Variants in XKR6 observed in about 807,000 individuals in gnomAD.
XKR6 encodes the protein XK-related protein 6.
A neutral mutation model predicts 56.7 loss-of-function variants in XKR6; 22 were observed. That is an observed-to-expected ratio of 0.39 (90% confidence interval 0.28 to 0.55). The LOEUF is 0.55. XKR6 is among the 20% of genes least tolerant of loss of function. XKR6 has a pLI of 0.66. For synonymous variants in XKR6, 524 were observed against 387.8 expected (o/e 1.35, Z -4.13); for missense variants, 852 against 889.0 (o/e 0.96, Z 0.53).
intron 2 of XKR6, among the ~76,000 whole-genome samples, chr8:10,921,301 G>A (rs752570946): frequency 2.4e-4 from 37 of 152,250 alleles, no homozygotes; most frequent in Non-Finnish European, 4.6e-4. Flanking sequence ...CAGAAAGGGA[G>A]AGAAATCTCC....
intron 1 of XKR6, among the ~76,000 whole-genome samples, chr8:11,163,091 T>C (rs1486099048): frequency 1.3e-5 from 2 of 152,172 alleles, no homozygotes; most frequent in East Asian, 1.9e-4. Context: ...AATAAAATAA[T>C]ACCACAGTAA....
At chr8:11,067,280 A>G (rs1003246843) in intron 1 of XKR6, among the ~76,000 whole-genome samples, 1 of 152,128 alleles carries the variant, frequency 6.6e-6, no homozygotes, top group East Asian at 1.9e-4. Flanking sequence ...AAACCTGCAC[A>G]TTTGGCTTGA....
chr8:11,077,858 A>C (rs2898257), intron 1 of XKR6, among the ~76,000 whole-genome samples: 85,127 of 151,590 alleles, frequency 0.56, 26,597 homozygotes, highest in African/African-American at 0.82. Context: ...CCCTGGCATG[A>C]TCATCAGACC....
At chr8:11,043,704 C>T (rs544858298) in intron 1 of XKR6, among the ~76,000 whole-genome samples, 1 of 152,216 alleles carries the variant, frequency 6.6e-6, no homozygotes, top group Non-Finnish European at 1.5e-5. Context: ...GCCAAGGGAA[C>T]CCCAGAGAAA....
At chr8:10,923,866 G>A (rs570371172) in intron 2 of XKR6, among the ~76,000 whole-genome samples, 45 of 152,324 alleles carry the variant, frequency 3.0e-4, no homozygotes, top group African/African-American at 8.7e-4. Context: ...CTCACTGAGC[G>A]CTCTGCAGTC....
At chr8:11,088,577 C>T (rs1335367046) in intron 1 of XKR6, among the ~76,000 whole-genome samples, 1 of 152,190 alleles carries the variant, frequency 6.6e-6, no homozygotes, top group African/African-American at 2.4e-5. Context: ...ACCTTTCCTT[C>T]CTTCCTTAGG....
chr8:10,999,662 G>A (rs1490244088), intron 1 of XKR6, among the ~76,000 whole-genome samples: 1 of 152,218 alleles, frequency 6.6e-6, no homozygotes, highest in Non-Finnish European at 1.5e-5. Context: ...ATGTTCTGCA[G>A]ATGTGACCAA....
At chr8:11,071,738 T>C (rs553828239) in intron 1 of XKR6, among the ~76,000 whole-genome samples, 16 of 152,292 alleles carry the variant, frequency 1.1e-4, no homozygotes, top group Non-Finnish European at 2.4e-4. Flanking sequence ...TTTGTTATGA[T>C]GGTCTTAGCA....
At chr8:10,947,307 G>T (rs1413722699) in intron 1 of XKR6, among the ~76,000 whole-genome samples, 2 of 152,192 alleles carry the variant, frequency 1.3e-5, no homozygotes, top group Non-Finnish European at 1.5e-5. Context: ...GAGAGCAAAG[G>T]TTTGGGAGTG....
chr8:10,932,515 G>A (rs1276711061), intron 1 of XKR6, among the ~76,000 whole-genome samples: 5 of 142,018 alleles, frequency 3.5e-5, no homozygotes, highest in East Asian at 2.0e-4. Flanking sequence ...ATGCCGGTGC[G>A]CTGCACCCAC....
At chr8:10,972,147 A>G (rs902165645) in intron 1 of XKR6, among the ~76,000 whole-genome samples, 1 of 152,118 alleles carries the variant, frequency 6.6e-6, no homozygotes, top group Non-Finnish European at 1.5e-5. Context: ...TTGGGGGTTC[A>G]TCCGGGCCCA....
At chr8:10,948,774 C>T (rs183265901) in intron 1 of XKR6, among the ~76,000 whole-genome samples, 143 of 152,310 alleles carry the variant, frequency 9.4e-4, no homozygotes, top group East Asian at 5.0e-3. Flanking sequence ...TCCTTGTATC[C>T]GTGTCCACCA....
chr8:10,911,253 G>A (rs955099722), intron 2 of XKR6, among the ~76,000 whole-genome samples: 20 of 149,424 alleles, frequency 1.3e-4, no homozygotes, highest in Admixed American at 1.2e-3. Flanking sequence ...GAGAGAGAGA[G>A]AGACAGAATA....
intron 1 of XKR6, chr8:11,104,895 A>G (rs1324294565): frequency 6.6e-6 from 1 of 152,210 alleles, no homozygotes; most frequent in Non-Finnish European, 1.5e-5. Flanking sequence ...GCTTTTTCAC[A>G]TATAACTTTT....
chr8:10,988,200 A>G (rs982521449), intron 1 of XKR6, among the ~76,000 whole-genome samples: 13 of 151,844 alleles, frequency 8.6e-5, no homozygotes, highest in Non-Finnish European at 7.4e-5. Flanking sequence ...TTTATCTATT[A>G]TCTGACTCCC....
At chr8:11,137,499 A>G (rs181371775) in intron 1 of XKR6, 11 of 454,722 alleles carry the variant, frequency 2.4e-5, no homozygotes, top group Middle Eastern at 6.5e-4. Flanking sequence ...AATCTCTGCT[A>G]CACTAACCTA....
chr8:11,168,297 T>C (rs1279182264), intron 1 of XKR6, among the ~76,000 whole-genome samples: 2 of 152,176 alleles, frequency 1.3e-5, no homozygotes, highest in Non-Finnish European at 2.9e-5. Context: ...CAATATGTTG[T>C]TGAAGTTGAG....
At chr8:11,015,890 GGGCGGCGGTGCCAGCTCAGACCCACGCC>G (rs1398933407) in intron 1 of XKR6, among the ~76,000 whole-genome samples, 3 of 151,984 alleles carry the variant, frequency 2.0e-5, no homozygotes, top group Admixed American at 2.0e-4. Flanking sequence ...CCCCAAAGGT[GGGCGGCGGTGCCAGCTCAGACCCACGCC>G]TCTGTCCAAG....
chr8:11,138,069 T>C (rs548747571), intron 1 of XKR6: 1 of 198,382 alleles, frequency 5.0e-6, no homozygotes, highest in African/African-American at 2.4e-5. Flanking sequence ...ACAACATTCT[T>C]AGGGAGAATG....
Sources: gnomAD v4.1 joint callset for allele counts (sites outside exome capture counted in the v4.1 genomes callset) on GRCh38, gnomAD v4.1.1 for gene constraint, MANE v1.5 for transcripts, NCBI Gene and HGNC (gene_info 2026-07-23, HGNC 2026-07-21) for gene names.